MRPS28: variants seen among roughly 807,000 people sequenced by gnomAD.
MRPS28 encodes small ribosomal subunit protein bS1m.
In MRPS28, 7 loss-of-function variants were observed where a neutral mutation model predicts 10.8. The observed-to-expected ratio is 0.65, with a 90% CI of 0.37 to 1.22. The LOEUF (loss-of-function observed/expected upper bound fraction) is 1.22, where lower values mean the gene tolerates loss of function less well. Ranked by LOEUF, MRPS28 falls within the 50% of genes most tolerant of loss-of-function variation. The pLI is 0.02. For synonymous variants in MRPS28, 121 were observed against 93.3 expected (o/e 1.30, Z -1.71); for missense variants, 265 against 232.9 (o/e 1.14, Z -0.90).
chr8:79,949,672 ATAAT>A (rs1376298634), intron 2 of MRPS28, among the ~76,000 whole-genome samples: 3 of 152,210 alleles, frequency 2.0e-5, no homozygotes, highest in Admixed American at 1.3e-4. Flanking sequence ...TGAGTTCATA[ATAAT>A]TGTTGTTTTC....
intron 2 of MRPS28, among the ~76,000 whole-genome samples, chr8:79,935,769 T>C (rs1179611692): frequency 6.6e-6 from 1 of 152,218 alleles, no homozygotes; most frequent in Non-Finnish European, 1.5e-5. Context: ...ATTTACAATG[T>C]AAGCCAGTAT....
chr8:79,927,105 T>G (rs1810251083), intron 2 of MRPS28, among the ~76,000 whole-genome samples: 1 of 152,244 alleles, frequency 6.6e-6, no homozygotes, highest in Non-Finnish European at 1.5e-5. Context: ...TAGAACTATG[T>G]GTTTTAAATA....
At chr8:79,970,333 G>T (rs2044968) in intron 2 of MRPS28, among the ~76,000 whole-genome samples, 88,096 of 151,870 alleles carry the variant, frequency 0.58, 28,280 homozygotes, top group East Asian at 0.78. Flanking sequence ...ACCCCAAGAA[G>T]AATTTTTTTA....
At chr8:79,946,248 A>C (rs189973211) in intron 2 of MRPS28, among the ~76,000 whole-genome samples, 4 of 152,246 alleles carry the variant, frequency 2.6e-5, no homozygotes, top group African/African-American at 9.6e-5. Flanking sequence ...ATAATCTGTT[A>C]TCTCTCTTCT....
At chr8:79,989,226 T>C (rs1373373830) in intron 2 of MRPS28, among the ~76,000 whole-genome samples, 1 of 152,130 alleles carries the variant, frequency 6.6e-6, no homozygotes, top group Non-Finnish European at 1.5e-5. Flanking sequence ...CCAAACTATC[T>C]AGAAAAAATG....
chr8:79,954,360 C>T (rs1807152403), intron 2 of MRPS28, among the ~76,000 whole-genome samples: 1 of 152,074 alleles, frequency 6.6e-6, no homozygotes, highest in Non-Finnish European at 1.5e-5. Context: ...CACACATACA[C>T]ACTCATGGAA....
At chr8:80,009,558 G>C (rs1204361331) in intron 1 of MRPS28, among the ~76,000 whole-genome samples, 2 of 152,034 alleles carry the variant, frequency 1.3e-5, no homozygotes, top group African/African-American at 4.8e-5. Context: ...AGAGGTTACG[G>C]TGAGCCGAGA....
rs1294486205 is a variant in MRPS28 at position 80,029,821 on chromosome 8, C to A, written c.213+215G>T. 2.6e-6 allele frequency: 4 copies of A among 1,531,364 alleles called. No individual in the cohort carries two copies. The Admixed American group carries it at 5.9e-5, about 23-fold the overall frequency. 94.9% of individuals were successfully genotyped at this position (1,531,364 alleles called of 1,614,324 possible). A position where few individuals can be genotyped will look rare whatever the true frequency, so the allele number is the denominator to read the frequency against. On this transcript the variant is annotated intron_variant, in intron 1 of 2. Coordinates refer to ENST00000276585, the MANE Select transcript of MRPS28 (RefSeq NM_014018.3). ...CAGTGTGGACAGACCCGGCCCAGTA[C>A]GCAAATGCCACACAAAAGGACAACG... is the stretch of plus-strand genomic sequence containing the variant.
intron 2 of MRPS28, among the ~76,000 whole-genome samples, chr8:79,963,164 A>G (rs1807415813): frequency 1.3e-5 from 2 of 152,146 alleles, no homozygotes; most frequent in Admixed American, 1.3e-4. Context: ...AAAATCTAAA[A>G]CTGAATCAAG....
chr8:79,973,945 T>C (rs993560164), intron 2 of MRPS28, among the ~76,000 whole-genome samples: 3 of 151,714 alleles, frequency 2.0e-5, no homozygotes, highest in African/African-American at 7.3e-5. Context: ...GAGATAAGGG[T>C]CTTGCTATGT....
chr8:79,947,161 C>T (rs548327423), intron 2 of MRPS28, among the ~76,000 whole-genome samples: 21 of 152,160 alleles, frequency 1.4e-4, no homozygotes, highest in East Asian at 7.7e-4. Context: ...TATGAAGATG[C>T]AGTAAAATAC....
chr8:79,984,214 T>A (rs574530331), intron 2 of MRPS28, among the ~76,000 whole-genome samples: 22 of 152,248 alleles, frequency 1.4e-4, no homozygotes, highest in South Asian at 2.1e-4. Context: ...CTTTACAGAC[T>A]AGCAAATGCT....
intron 2 of MRPS28, among the ~76,000 whole-genome samples, chr8:79,977,870 T>G (rs1045649871): frequency 4.5e-4 from 69 of 151,990 alleles, no homozygotes; most frequent in African/African-American, 1.4e-3. Context: ...GAAGAAACAC[T>G]TGCATAAATA....
chr8:80,026,760 G>A lies in MRPS28; in HGVS notation c.213+3276C>T, dbSNP rs137857925. 8.7e-3 allele frequency among the ~76,000 whole-genome samples: 1,319 copies of A among 152,264 alleles called. 26 individuals carry two copies. Among genetic ancestry groups the A allele is most frequent in the African/African-American group, 0.03 (1,257 of 41,542 alleles). ...CATTTGGGATTAAAAAAAATGGCAT[G>A]TGCATGGTTGTTTTCTGGTGTTTTT... On this transcript the variant is annotated intron_variant, in intron 1 of 2. Coordinates refer to ENST00000276585, the MANE Select transcript of MRPS28 (RefSeq NM_014018.3).
intron 2 of MRPS28, among the ~76,000 whole-genome samples, chr8:79,986,461 A>G (rs1808178309): frequency 6.6e-6 from 1 of 152,214 alleles, no homozygotes; most frequent in Non-Finnish European, 1.5e-5. Context: ...AGGGTATTCA[A>G]TTAGGAAAAG....
chr8:79,987,114 T>C (rs1808207544), intron 2 of MRPS28, among the ~76,000 whole-genome samples: 1 of 152,020 alleles, frequency 6.6e-6, no homozygotes. Flanking sequence ...CCCTCAGAAA[T>C]AACGCCGCAT....
At chr8:79,923,944 C>T (rs926422249) in intron 2 of MRPS28, among the ~76,000 whole-genome samples, 2 of 152,280 alleles carry the variant, frequency 1.3e-5, no homozygotes, top group Non-Finnish European at 2.9e-5. Context: ...ACATTCTTTC[C>T]ACAGACATTC....
chr8:79,964,586 T>C (rs1403133998), intron 2 of MRPS28, among the ~76,000 whole-genome samples: 15 of 152,126 alleles, frequency 9.9e-5, no homozygotes, highest in Admixed American at 9.8e-4. Flanking sequence ...TTACTAGCTG[T>C]ATGATCTTAC....
chr8:79,938,230 G>T (rs940496985), intron 2 of MRPS28, among the ~76,000 whole-genome samples: 9 of 26,592 alleles, frequency 3.4e-4, no homozygotes, highest in Admixed American at 1.1e-3. Context: ...AGACATAGGT[G>T]GGGGGGGGCA....
Sources: gnomAD v4.1 joint callset for allele counts (sites outside exome capture counted in the v4.1 genomes callset) on GRCh38, gnomAD v4.1.1 for gene constraint, MANE v1.5 for transcripts, NCBI Gene and HGNC (gene_info 2026-07-23, HGNC 2026-07-21) for gene names.